NF1: variants seen among roughly 807,000 people sequenced by gnomAD.
NF1 encodes neurofibromin.
In NF1, 122 loss-of-function variants were observed where a neutral mutation model predicts 325.7. The observed-to-expected ratio is 0.37, with a 90% confidence interval of 0.32 to 0.44. The LOEUF (loss-of-function observed/expected upper bound fraction) is 0.44. Ranked by LOEUF, NF1 falls within the 20% of genes least tolerant of loss-of-function variation. The pLI, the probability that NF1 is intolerant of heterozygous loss-of-function variation, is 1.00. For synonymous variants in NF1, 1,091 were observed against 1,186.0 expected, an observed-to-expected ratio of 0.92 and a Z score of 1.65; for missense variants, 2,140 against 3,415.4, an observed-to-expected ratio of 0.63 and a Z score of 9.31.
intron 36 of NF1, among the ~76,000 whole-genome samples, chr17:31,300,730 C>T (rs565428097): frequency 6.6e-6 from 1 of 152,176 alleles, no homozygotes; most frequent in Admixed American, 6.5e-5. Flanking sequence ...TTACTAAATT[C>T]CTCTCCATTG....
intron 36 of NF1, chr17:31,318,611 T>C (rs1597819432): frequency 6.2e-7 from 1 of 1,614,096 alleles, no homozygotes; most frequent in African/African-American, 1.3e-5. Flanking sequence ...CAAATTAGCA[T>C]AGCCATGTTG....
At chr17:31,203,475 G>A (rs146702408) in intron 11 of NF1, among the ~76,000 whole-genome samples, 2 of 152,044 alleles carry the variant, frequency 1.3e-5, no homozygotes, top group Non-Finnish European at 2.9e-5. Context: ...ATTGTTTCTC[G>A]TTAGGATATT....
chr17:31,351,280 G>A (rs1336429202), intron 50 of NF1, among the ~76,000 whole-genome samples: 2 of 152,018 alleles, frequency 1.3e-5, no homozygotes, highest in Non-Finnish European at 2.9e-5. Flanking sequence ...TACAGTTAAT[G>A]TATTTTATAC....
At chr17:31,150,507 A>C (rs1252501626) in intron 1 of NF1, among the ~76,000 whole-genome samples, 1 of 152,124 alleles carries the variant, frequency 6.6e-6, no homozygotes, top group Non-Finnish European at 1.5e-5. Context: ...TACTCTGAGC[A>C]ATATTGAAAT....
rs2070720998 is a variant in NF1, at chr17:31,375,633, G to C, written c.*1478G>C. On this transcript the variant is annotated 3_prime_UTR_variant, in exon 58 of 58. Coordinates refer to ENST00000358273, the MANE Select transcript of NF1 (RefSeq NM_001042492.3). ...TTAAGATATAATGGCTTTGAGGGGGGAAAAAATAAACCTAGGGGAGAGGGG... is the reference window on the plus strand; with the variant it reads ...TTAAGATATAATGGCTTTGAGGGGGCAAAAAATAAACCTAGGGGAGAGGGG... The C allele has an allele frequency of 4.3e-6, 1 of 232,582 alleles. No individual in the cohort carries two copies. Among genetic ancestry groups the C allele is most frequent in the South Asian group, 1.8e-4 (1 of 5,520 alleles). 14.4% of individuals were successfully genotyped at this position (232,582 alleles called of 1,614,324 possible). A position where few individuals can be genotyped will look rare whatever the true frequency, so the allele number is the denominator to read the frequency against.
At chr17:31,222,564 C>T (rs1323983649) in intron 15 of NF1, 1 of 1,019,390 alleles carries the variant, frequency 9.8e-7, no homozygotes, top group Non-Finnish European at 1.2e-6. Flanking sequence ...GTAGTGCTGT[C>T]CACTAGTAAT....
intron 46 of NF1, 135 bp downstream of exon 46, chr17:31,338,940 C>CT: frequency 1.5e-6 from 1 of 665,312 alleles, no homozygotes; most frequent in Non-Finnish European, 2.7e-6. Context: ...AGTAGAACCT[C>CT]TTAAAGTTTA....
At chr17:31,221,303 A>G (rs2066917267) in intron 14 of NF1, among the ~76,000 whole-genome samples, 1 of 152,102 alleles carries the variant, frequency 6.6e-6, no homozygotes, top group South Asian at 2.1e-4. Context: ...TCTGTGGTCA[A>G]TTGAAATACT....
rs574548369 is a variant in NF1, at chr17:31,142,125, C to G, written c.61-13858C>G. ...CAAATTAACCATTGTTCACAGAGTG[C>G]TTTGCTTAATGTTATGCCTTCTTTT... On this transcript the variant is annotated intron_variant, in intron 1 of 57. Transcript: ENST00000358273. Among the ~76,000 whole-genome samples the G allele has an allele frequency of 2.4e-4, 37 of 152,282 alleles. 1 individual carries two copies. In the South Asian group the frequency reaches 7.5e-3, roughly 31 times the overall value.
At chr17:31,242,305 C>CTCT (rs1567855418) in intron 29 of NF1, among the ~76,000 whole-genome samples, 7 of 68,848 alleles carry the variant, frequency 1.0e-4, no homozygotes, top group Admixed American at 1.9e-4. Context: ...CATAAGTTCT[C>CTCT]TTTTTTTTTT....
At chr17:31,127,632 A>C (rs563883280) in intron 1 of NF1, among the ~76,000 whole-genome samples, 1 of 144,458 alleles carries the variant, frequency 6.9e-6, no homozygotes, top group Non-Finnish European at 1.5e-5. Flanking sequence ...GGGTTTTGCT[A>C]TGTTGCCCAG....
intron 1 of NF1, among the ~76,000 whole-genome samples, chr17:31,149,263 C>CTGT (rs1916769141): frequency 1.3e-5 from 2 of 151,434 alleles, no homozygotes. Context: ...TAAATATATA[C>CTGT]ACTTATATAC....
Position 31,182,563 on chromosome 17 carries a change from T to A in NF1, c.786T>A (p.Arg262=). The change falls in exon 8 of 58, where the codon CGT becomes CGA. Residue 262 remains arginine (R), a synonymous_variant. Coordinates refer to ENST00000358273, the MANE Select transcript of NF1 (RefSeq NM_001042492.3). ...LVDGFAESTK[R]KAAVWPLQII... ...ATGGTTTTGCTGAAAGCACCAAACGTAAAGCAGCAGTTTGGCCACTACAAA... is the reference window on the plus strand; with the variant it reads ...ATGGTTTTGCTGAAAGCACCAAACGAAAAGCAGCAGTTTGGCCACTACAAA... 6.2e-7 allele frequency: 1 copy of A among 1,614,110 alleles called. No individual in the cohort carries two copies. Among genetic ancestry groups the A allele is most frequent in the Non-Finnish European group, 8.5e-7 (1 of 1,179,944 alleles).
chr17:31,308,098 T>A, intron 36 of NF1: 1 of 276,256 alleles, frequency 3.6e-6, no homozygotes, highest in Non-Finnish European at 7.4e-6. Flanking sequence ...AGGTTACTAC[T>A]GCCTTGCTTG....
intron 16 of NF1, among the ~76,000 whole-genome samples, chr17:31,224,063 T>C (rs941375635): frequency 4.6e-5 from 7 of 152,314 alleles, no homozygotes; most frequent in Admixed American, 3.9e-4. Context: ...ATGGCTAGAC[T>C]AGTCCAGAGA....
intron 29 of NF1, among the ~76,000 whole-genome samples, chr17:31,240,439 C>T (rs948518026): frequency 2.0e-5 from 3 of 152,158 alleles, no homozygotes; most frequent in East Asian, 1.9e-4. Context: ...AATAGTACTC[C>T]GTTGTGTATA....
At position 31,268,859 on chromosome 17, in the gene NF1, T is replaced by C. The variant is rs573139764; in HGVS notation, c.4835+3520T>C. The stretch of plus-strand genomic sequence containing the variant: ...GACAACAGGTGTGTGCCACCACAGC[T>C]GGCTAATTTATTATTATTATTTTTT... On this transcript the variant is annotated intron_variant, in intron 36 of 57. Transcript: ENST00000358273. 3.9e-5 allele frequency among the ~76,000 whole-genome samples: 6 copies of C among 151,960 alleles called. No homozygotes were observed. The East Asian group carries it at 1.2e-3, about 30-fold the overall frequency.
rs368995630 is a variant in NF1, at chr17:31,229,434, C to T, written c.2819C>T (p.Thr940Ile). 6.2e-7 allele frequency: 1 copy of T among 1,613,854 alleles called. No individual in the cohort carries two copies. The highest frequency in any genetic ancestry group is 8.5e-7 in the Non-Finnish European group (1 of 1,179,786). Residue 940 changes from threonine (T) to isoleucine (I), a missense_variant, in exon 21 of 58, where the codon ACC becomes ATC. Transcript: ENST00000358273. Reference protein sequence around the residue: ...YPMLFNKLKNTISKFFDSQGQ... With the variant: ...YPMLFNKLKNIISKFFDSQGQ... ...ATGCTATTTAACAAATTGAAGAATA[C>T]CATCAGCAAGTTTTTTGACTCCCAA...
intron 36 of NF1, chr17:31,305,068 G>C: frequency 6.2e-7 from 1 of 1,614,162 alleles, no homozygotes; most frequent in Non-Finnish European, 8.5e-7. Flanking sequence ...AAATCCTGGT[G>C]TACTCCTAGG....
Sources: gnomAD v4.1 joint callset for allele counts (sites outside exome capture counted in the v4.1 genomes callset) on GRCh38, gnomAD v4.1.1 for gene constraint, MANE v1.5 for transcripts, NCBI Gene and HGNC (gene_info 2026-07-23, HGNC 2026-07-21) for gene names.